Variants in PCYT1A observed in about 807,000 individuals in gnomAD.
PCYT1A encodes phosphate cytidylyltransferase 1A, choline.
In PCYT1A, 25 loss-of-function variants were observed where a neutral mutation model predicts 43.7. The observed-to-expected ratio is 0.57, with a 90% CI of 0.42 to 0.80. PCYT1A has a LOEUF of 0.80. PCYT1A is among the 30% of genes least tolerant of loss of function. The probability of loss-of-function intolerance (pLI) is 0.00; values close to 1 mark genes in which losing one functional copy is unlikely to be tolerated. For synonymous variants in PCYT1A, 172 were observed against 170.7 expected (o/e 1.01, Z -0.06); for missense variants, 421 against 474.2 (o/e 0.89, Z 1.04).
intron 1 of PCYT1A, among the ~76,000 whole-genome samples, chr3:196,279,944 C>T (rs1175992731): frequency 6.6e-6 from 1 of 150,714 alleles, no homozygotes; most frequent in South Asian, 2.1e-4. Context: ...AAGCAATTCT[C>T]CTGCCTCAGC....
chr3:196,284,997 C>T (rs894535487), intron 1 of PCYT1A, among the ~76,000 whole-genome samples: 1 of 152,192 alleles, frequency 6.6e-6, no homozygotes, highest in Non-Finnish European at 1.5e-5. Context: ...TATCCCCCAC[C>T]ATTCTCAACT....
rs1357631265 is a variant in PCYT1A, at chr3:196,282,944, A to G, written c.-11+4671T>C. Among the ~76,000 whole-genome samples the G allele has an allele frequency of 6.6e-6, 1 of 152,224 alleles. No individual in the cohort carries two copies. Among genetic ancestry groups the G allele is most frequent in the Non-Finnish European group, 1.5e-5 (1 of 68,044 alleles). On this transcript the variant is annotated intron_variant, in intron 1 of 8. Coordinates refer to ENST00000431016, the MANE Select transcript of PCYT1A (RefSeq NM_001312673.2). The surrounding 1 kb of genome is among the most constrained non-coding windows in gnomAD (Gnocchi z 4.3). Reference sequence around the variant, plus strand: ...TGAATGTGATATAACAGCCTAGCAGATTCATGGGTTCCCCTGGCTCACTGG... The same window carrying G: ...TGAATGTGATATAACAGCCTAGCAGGTTCATGGGTTCCCCTGGCTCACTGG...
Position 196,237,664 on chromosome 3 carries a change from T to G in PCYT1A, c.*1024A>C, listed in dbSNP as rs2108760032. 6.6e-6 allele frequency: 1 copy of G among 152,330 alleles called. No individual in the cohort carries two copies. The highest frequency in any genetic ancestry group is 2.4e-5 in the African/African-American group (1 of 41,568). The allele number at this position is 152,330 out of a possible 1,614,324, so 9.4% of individuals were successfully genotyped here. A position where few individuals can be genotyped will look rare whatever the true frequency, so the allele number is the denominator to read the frequency against. On this transcript the variant is annotated 3_prime_UTR_variant, in exon 9 of 9. Coordinates refer to ENST00000431016, the MANE Select transcript of PCYT1A (RefSeq NM_001312673.2). The stretch of plus-strand genomic sequence containing the variant: ...TGCCTTTACATTCTGTGCAAATCTC[T>G]CTAATATGGCTATGACCAAAATGGA...
rs1238352804 is a variant in PCYT1A at position 196,266,716 on chromosome 3, C to G, written c.117+3699G>C. Among the ~76,000 whole-genome samples the G allele has an allele frequency of 2.6e-5, 4 of 151,780 alleles. No homozygotes were observed. The East Asian group carries it at 7.8e-4, about 29-fold the overall frequency. ...ACCAGCCTGAGCAACATGGTAAAAC[C>G]CCATCTCTACTAAAAATACAAAAAT... On this transcript the variant is annotated intron_variant, in intron 2 of 8. Coordinates refer to ENST00000431016, the MANE Select transcript of PCYT1A (RefSeq NM_001312673.2).
At chr3:196,278,080 G>A (rs1027029912) in intron 1 of PCYT1A, among the ~76,000 whole-genome samples, 24 of 152,094 alleles carry the variant, frequency 1.6e-4, no homozygotes, top group Admixed American at 3.9e-4. Context: ...ATGCTTGCCC[G>A]GACACATCAC....
chr3:196,256,784 C>T (rs1425553202), intron 3 of PCYT1A, among the ~76,000 whole-genome samples: 1 of 152,152 alleles, frequency 6.6e-6, no homozygotes, highest in Non-Finnish European at 1.5e-5. Context: ...AAGTGATGAT[C>T]TGCCCGCCTT....
Position 196,239,625 on chromosome 3 carries a change from G to A in PCYT1A, c.819C>T (p.Asp273=), listed in dbSNP as rs145097257. The part of the protein sequence containing the change: ...FVQKVEEKSI[D]LIQKWEEKSR... Reference sequence around the variant, plus strand: ...ACTTCTCCTCCCACTTCTGAATGAGGTCAATGCTTTTTTCCTCCACCTTCT... The same window carrying A: ...ACTTCTCCTCCCACTTCTGAATGAGATCAATGCTTTTTTCCTCCACCTTCT... The change falls in exon 8 of 9, where the codon GAC becomes GAT. Residue 273 remains aspartate (D), a synonymous_variant. Transcript: ENST00000431016. 74 of 1,611,448 alleles carry A rather than the reference G, an allele frequency of 4.6e-5. No homozygotes were observed. The highest frequency in any genetic ancestry group is 6.7e-5 in the Admixed American group (4 of 59,994).
Position 196,248,267 on chromosome 3 carries a change from G to T in PCYT1A, c.274C>A (p.His92Asn). 1 of 1,613,574 alleles carries T rather than the reference G, an allele frequency of 6.2e-7. No individual in the cohort carries two copies. Among genetic ancestry groups the T allele is most frequent in the South Asian group, 1.1e-5 (1 of 91,048 alleles). ...DGIFDLFHSG[H>N]ARALMQAKNL... Reference sequence around the variant, plus strand: ...TTCGCTTGCATCAGAGCTCGGGCGTGACCAGAGTGAAATAAGTCAAATATT... The same window carrying T: ...TTCGCTTGCATCAGAGCTCGGGCGTTACCAGAGTGAAATAAGTCAAATATT... Residue 92 changes from histidine (H) to asparagine (N), a missense_variant, in exon 4 of 9, where the codon CAC becomes AAC. By Grantham distance (68) the His-to-Asn change is moderately conservative. This residue lies in a region of PCYT1A where 139 missense variants were observed against 117.7 expected (regional missense o/e 1.18). Transcript: ENST00000431016.
intron 5 of PCYT1A, among the ~76,000 whole-genome samples, chr3:196,244,505 C>G (rs1435120609): frequency 2.6e-5 from 4 of 151,630 alleles, no homozygotes; most frequent in African/African-American, 4.8e-5. Context: ...GCCACCCCGT[C>G]CGGGAGGTGA....
intron 2 of PCYT1A, among the ~76,000 whole-genome samples, chr3:196,260,783 A>C (rs1327810511): frequency 6.6e-6 from 1 of 152,246 alleles, no homozygotes; most frequent in East Asian, 1.9e-4. Flanking sequence ...TGGAGGTTGC[A>C]GTGAGCTGAG....
At chr3:196,285,215 T>G (rs1203789934) in intron 1 of PCYT1A, among the ~76,000 whole-genome samples, 1 of 152,128 alleles carries the variant, frequency 6.6e-6, no homozygotes, top group African/African-American at 2.4e-5. Flanking sequence ...TCCCAGCACT[T>G]TGGGAGGCTG....
chr3:196,239,073 T>C (rs1252555509), intron 8 of PCYT1A, among the ~76,000 whole-genome samples, 179 bp from the exon 9 acceptor site: 1 of 152,190 alleles, frequency 6.6e-6, no homozygotes, highest in Non-Finnish European at 1.5e-5. Flanking sequence ...TATTCTAATT[T>C]ATCCAAACAC....
At chr3:196,280,035 T>C (rs539626596) in intron 1 of PCYT1A, among the ~76,000 whole-genome samples, 11 of 152,116 alleles carry the variant, frequency 7.2e-5, no homozygotes, top group African/African-American at 2.2e-4. Context: ...GGTTTCTCCA[T>C]GTTGAGGCTG....
rs1725636761 is a variant in PCYT1A at position 196,277,825 on chromosome 3, C to T, written c.-10-7284G>A. ...GGTGGAGGTTGCAGTGAGCCTAAAT[C>T]GCACGCCACTGCGCTCCAGCCTGGG... On this transcript the variant is annotated intron_variant, in intron 1 of 8. Coordinates refer to ENST00000431016, the MANE Select transcript of PCYT1A (RefSeq NM_001312673.2). The surrounding 1 kb of genome is among the most constrained non-coding windows in gnomAD (Gnocchi z 4.1). Among the ~76,000 whole-genome samples the T allele has an allele frequency of 6.6e-6, 1 of 152,140 alleles. No individual in the cohort carries two copies. Among genetic ancestry groups the T allele is most frequent in the Non-Finnish European group, 1.5e-5 (1 of 68,012 alleles).
chr3:196,238,793 A>G lies in PCYT1A; in HGVS notation c.999T>C (p.Ser333=), dbSNP rs1724257732. 2.5e-6 allele frequency: 4 copies of G among 1,586,074 alleles called. No homozygotes were observed. The East Asian group carries it at 9.7e-5, about 38-fold the overall frequency. The change falls in exon 9 of 9, where the codon TCT becomes TCC. Residue 333 remains serine, a synonymous_variant. Coordinates refer to ENST00000431016, the MANE Select transcript of PCYT1A (RefSeq NM_001312673.2). ...SPTRERSPSP[S]FRWPFSGKTS... ...TCTTGCCGGAGAAGGGCCATCGGAA[A>G]GAGGGGGAGGGGGAGCGCTCGCGAG... is the stretch of plus-strand genomic sequence containing the variant.
chr3:196,274,759 C>G (rs964166243), intron 1 of PCYT1A, among the ~76,000 whole-genome samples: 3 of 152,160 alleles, frequency 2.0e-5, no homozygotes, highest in South Asian at 2.1e-4. Context: ...ACAAGATCTA[C>G]AAGAAACTGG....
intron 2 of PCYT1A, among the ~76,000 whole-genome samples, chr3:196,258,138 T>C (rs1725003162): frequency 6.6e-6 from 1 of 151,938 alleles, no homozygotes; most frequent in Admixed American, 6.6e-5. Flanking sequence ...TACAGAAAAT[T>C]AGCCTGGTGT....
intron 2 of PCYT1A, among the ~76,000 whole-genome samples, chr3:196,263,696 G>A (rs1193325826): frequency 2.0e-5 from 3 of 152,180 alleles, no homozygotes; most frequent in Admixed American, 6.5e-5. Context: ...ACAGTGGCGC[G>A]ATCTCGGCTC....
At chr3:196,259,939 T>C (rs1428687111) in intron 2 of PCYT1A, among the ~76,000 whole-genome samples, 3 of 138,556 alleles carry the variant, frequency 2.2e-5, no homozygotes, top group African/African-American at 8.6e-5. Context: ...TTTTTTTTTT[T>C]TGAGGCAAAG....
Sources: allele counts gnomAD v4.1 joint callset (sites outside exome capture counted in the v4.1 genomes callset), GRCh38; gene constraint gnomAD v4.1.1; regional missense constraint gnomAD v4.1.1; non-coding constraint Gnocchi (gnomAD v3.1); transcripts MANE v1.5; gene names NCBI Gene and HGNC (gene_info 2026-07-23, HGNC 2026-07-21).